The following PHC3 variants were observed in gnomAD, a reference collection of about 807,000 sequenced individuals.
The protein encoded by PHC3 is polyhomeotic homolog 3, also known as polyhomeotic-like protein 3.
Under a neutral mutation model 107.4 loss-of-function variants are expected in PHC3, and 13 were observed. The ratio of observed to expected loss-of-function variants is 0.12; its 90% CI spans 0.08 to 0.19. PHC3 has a LOEUF of 0.19. Ranked by LOEUF, PHC3 falls within the 10% of genes least tolerant of loss-of-function variation. PHC3 has a pLI of 1.00. For missense variants in PHC3, 992 were observed against 1,210.9 expected (o/e 0.82, Z 2.68); for synonymous variants, 456 against 427.4 (o/e 1.07, Z -0.83).
At chr3:170,138,015 G>A (rs1377161351) in intron 6 of PHC3, among the ~76,000 whole-genome samples, 2 of 151,558 alleles carry the variant, frequency 1.3e-5, no homozygotes, top group Non-Finnish European at 2.9e-5. Flanking sequence ...TCACCAACAC[G>A]GCAAACCTGT....
At chr3:170,176,849 A>G (rs1730559807) in intron 2 of PHC3, 4 of 448,596 alleles carry the variant, frequency 8.9e-6, no homozygotes, top group South Asian at 6.3e-5. Context: ...GTAATTAATG[A>G]AAGAAGTAGT....
intron 7 of PHC3, among the ~76,000 whole-genome samples, chr3:170,130,951 A>G (rs1722153458): frequency 6.6e-6 from 1 of 152,118 alleles, no homozygotes; most frequent in African/African-American, 2.4e-5. Flanking sequence ...GAGAAAGACT[A>G]TATTATACCT....
At chr3:170,143,916 A>G (rs2108553883) in intron 6 of PHC3, among the ~76,000 whole-genome samples, 1 of 152,304 alleles carries the variant, frequency 6.6e-6, no homozygotes, top group Middle Eastern at 3.4e-3. Context: ...CTAGAATTTC[A>G]TATAATGGAA....
intron 4 of PHC3, among the ~76,000 whole-genome samples, chr3:170,163,932 G>C (rs1003598546): frequency 2.6e-5 from 4 of 151,294 alleles, no homozygotes; most frequent in African/African-American, 9.8e-5. Flanking sequence ...AGGCACAGTG[G>C]CTCACGCCTA....
At chr3:170,138,345 A>G (rs1400654081) in intron 6 of PHC3, among the ~76,000 whole-genome samples, 1 of 152,208 alleles carries the variant, frequency 6.6e-6, no homozygotes, top group Non-Finnish European at 1.5e-5. Flanking sequence ...TTTCATACCA[A>G]TGTAAACATA....
At chr3:170,126,529 T>TATATA (rs1491097010) in intron 8 of PHC3, among the ~76,000 whole-genome samples, 46 of 39,962 alleles carry the variant, frequency 1.2e-3, no homozygotes, top group Admixed American at 6.1e-3. Context: ...TATATATATA[T>TATATA]TTTTTTTTTT....
chr3:170,145,603 G>A, intron 5 of PHC3, 82 bp from the exon 6 acceptor site: 1 of 904,868 alleles, frequency 1.1e-6, no homozygotes, highest in Non-Finnish European at 1.7e-6. Context: ...AAGAGAGACT[G>A]AAATTTGTGA....
intron 8 of PHC3, 82 bp from the exon 9 acceptor site, chr3:170,122,826 C>G: frequency 6.8e-7 from 1 of 1,477,540 alleles, no homozygotes; most frequent in Admixed American, 2.1e-5. Context: ...AAATTAAATT[C>G]TATGTGTATT....
chr3:170,146,652 C>G (rs942397060), intron 5 of PHC3, among the ~76,000 whole-genome samples: 2 of 149,804 alleles, frequency 1.3e-5, no homozygotes, highest in African/African-American at 4.9e-5. Flanking sequence ...CCTGCCTCAG[C>G]TTCCCGAGTA....
intron 9 of PHC3, 73 bp downstream of exon 9, chr3:170,122,517 GA>G (rs141048664): frequency 6.6e-7 from 1 of 1,510,902 alleles, no homozygotes; most frequent in East Asian, 2.3e-5. Flanking sequence ...GGAGGAAAGG[GA>G]AAAAAATCAA....
rs573322140 is a variant in PHC3, at chr3:170,150,700, G to A, written c.415-1456C>T. 1.7e-3 allele frequency: 742 copies of A among 425,546 alleles called. 3 individuals carry two copies. Among genetic ancestry groups the A allele is most frequent in the Non-Finnish European group, 2.6e-3 (542 of 212,540 alleles). 26.4% of individuals were successfully genotyped at this position (425,546 alleles called of 1,614,324 possible). On this transcript the variant is annotated intron_variant, in intron 4 of 14. Coordinates refer to ENST00000495893, the MANE Select transcript of PHC3 (RefSeq NM_024947.4). ...TGCACTCCAGCCTGGGCGACAGAGC[G>A]ACACTCCATCTAAAAAGAGAAAAGA...
chr3:170,133,904 G>C (rs1199944465), intron 7 of PHC3, among the ~76,000 whole-genome samples: 1 of 152,050 alleles, frequency 6.6e-6, no homozygotes, highest in Non-Finnish European at 1.5e-5. Flanking sequence ...AGAGTTCCCG[G>C]CTTTCTCTGA....
In PHC3 at chr3:170,129,175, G is replaced by C. The variant is rs756219514; in HGVS notation, c.1297C>G (p.Gln433Glu). The C allele has an allele frequency of 6.2e-7, 1 of 1,613,994 alleles. No individual in the cohort carries two copies. The highest frequency in any genetic ancestry group is 2.2e-5 in the East Asian group (1 of 44,868). Reference protein sequence around the residue: ...TIIIHPQALIQPHPLVSSALQ... With the variant: ...TIIIHPQALIEPHPLVSSALQ... The stretch of plus-strand genomic sequence containing the variant: ...GCTGATGACACAAGAGGGTGTGGCT[G>C]AATAAGTGCTTGTGGATGAATAATT... The change falls in exon 8 of 15, where the codon CAG (glutamine) becomes GAG (glutamate). Residue 433 changes from glutamine (Q) to glutamate (E), a missense_variant. Around this residue, in one of 6 missense-constraint regions of PHC3, gnomAD observed 543 missense variants for 590.8 expected, o/e 0.92. Transcript: ENST00000495893.
In PHC3 at chr3:170,178,846, A is replaced by G; in HGVS notation, c.107T>C (p.Ile36Thr). 1.2e-6 allele frequency: 2 copies of G among 1,613,806 alleles called. No homozygotes were observed. The highest frequency in any genetic ancestry group is 8.5e-7 in the Non-Finnish European group (1 of 1,179,754). Residue 36 changes from isoleucine to threonine, a missense_variant, in exon 2 of 15, where the codon ATC becomes ACC. Ile to Thr is a moderately conservative substitution (Grantham distance 89, BLOSUM62 -1). Coordinates refer to ENST00000495893, the MANE Select transcript of PHC3 (RefSeq NM_024947.4). ...TTTSSTTTTT[I>T]TTSSSRMQQP... ...CTGCATTCGAGAGGAGGAAGTGGTG[A>G]TGGTGGTGGTGGTGGTACTGCTGGT...
intron 2 of PHC3, among the ~76,000 whole-genome samples, chr3:170,177,859 T>TG (rs77067505): frequency 0.28 from 42,216 of 151,426 alleles, 6,111 homozygotes; most frequent in East Asian, 0.49. Flanking sequence ...TTTGTAGAGA[T>TG]GGGGTTTCAA....
At chr3:170,178,681 T>C in intron 2 of PHC3, 92 bp downstream of exon 2, 1 of 1,374,866 alleles carries the variant, frequency 7.3e-7, no homozygotes, top group Non-Finnish European at 1.0e-6. Context: ...AACTGTACAT[T>C]TGAGAATATG....
chr3:170,113,364 A>G lies in PHC3; in HGVS notation c.2349T>C (p.Ala783=), dbSNP rs1718212994. ...SSDTEMEDMI[A]EETLEEMDSE... ...TCTTAAGTGAAACCCACAAACCTTC[A>G]GCAATCATGTCTTCCATCTCTGTGT... Residue 783 remains alanine, a synonymous_variant, in exon 11 of 15, where the codon GCT becomes GCC. Coordinates refer to ENST00000495893, the MANE Select transcript of PHC3 (RefSeq NM_024947.4). 1.9e-6 allele frequency: 3 copies of G among 1,603,640 alleles called. No individual in the cohort carries two copies. The highest frequency in any genetic ancestry group is 1.3e-5 in the African/African-American group (1 of 74,608).
chr3:170,181,657 C>G, intron 1 of PHC3, 45 bp downstream of exon 1: 1 of 1,613,164 alleles, frequency 6.2e-7, no homozygotes, highest in Non-Finnish European at 8.5e-7. Flanking sequence ...GCTGCCCCAA[C>G]TCGCCCCCCC....
At chr3:170,154,857 C>G (rs895649328) in intron 4 of PHC3, among the ~76,000 whole-genome samples, 6 of 152,208 alleles carry the variant, frequency 3.9e-5, no homozygotes. Context: ...AACTGTCCTT[C>G]CTTTCCACAA....
Sources: allele counts gnomAD v4.1 joint callset (sites outside exome capture counted in the v4.1 genomes callset), GRCh38; gene constraint gnomAD v4.1.1; regional missense constraint gnomAD v4.1.1; transcripts MANE v1.5; gene names NCBI Gene and HGNC (gene_info 2026-07-23, HGNC 2026-07-21).